Variants in KCNT2 observed in about 807,000 individuals in gnomAD.
The protein encoded by KCNT2 is potassium channel subfamily T member 2.
KCNT2 carries 67 observed loss-of-function variants against 153.8 expected under a neutral mutation model. The observed-to-expected ratio is 0.44, with a 90% confidence interval of 0.36 to 0.53. The LOEUF (loss-of-function observed/expected upper bound fraction) is 0.53, where lower values mean the gene tolerates loss of function less well. KCNT2 is among the 20% of genes least tolerant of loss of function. The pLI, the probability that KCNT2 is intolerant of heterozygous loss-of-function variation, is 0.00. For missense variants in KCNT2, 975 were observed against 1,354.8 expected (o/e 0.72, Z 4.40); for synonymous variants, 500 against 458.8 (o/e 1.09, Z -1.15).
chr1:196,306,242 C>T (rs149525421), intron 21 of KCNT2, among the ~76,000 whole-genome samples: 2,805 of 152,132 alleles, frequency 0.018, 41 homozygotes, highest in Middle Eastern at 0.034. Flanking sequence ...ACTTAAAATT[C>T]CCATCACTAG....
chr1:196,306,048 G>C (rs1661604503), intron 21 of KCNT2, among the ~76,000 whole-genome samples: 1 of 151,866 alleles, frequency 6.6e-6, no homozygotes, highest in Admixed American at 6.6e-5. Flanking sequence ...AGAGAAAAGG[G>C]GCAGGATGAT....
At chr1:196,232,166 T>C (rs973012813) in intron 27 of KCNT2, among the ~76,000 whole-genome samples, 2 of 151,820 alleles carry the variant, frequency 1.3e-5, no homozygotes, top group African/African-American at 4.8e-5. Flanking sequence ...TTGTCATCTA[T>C]GCACACTGCT....
intron 4 of KCNT2, 124 bp downstream of exon 4, chr1:196,482,207 T>G (rs1292864031): frequency 1.5e-6 from 1 of 649,940 alleles, no homozygotes; most frequent in East Asian, 3.2e-5. Flanking sequence ...GTCCAAGATG[T>G]GCATGAAGAT....
intron 14 of KCNT2, among the ~76,000 whole-genome samples, chr1:196,370,385 T>C (rs1668418260): frequency 6.6e-6 from 1 of 152,070 alleles, no homozygotes; most frequent in African/African-American, 2.4e-5. Context: ...CTAATTTATT[T>C]ATGACTGACA....
chr1:196,287,543 C>G (rs984177191), intron 22 of KCNT2, among the ~76,000 whole-genome samples: 1 of 152,082 alleles, frequency 6.6e-6, no homozygotes, highest in Non-Finnish European at 1.5e-5. Context: ...AGTTTTTTAA[C>G]CTACAGTGCT....
At chr1:196,311,727 C>T (rs1030543568) in intron 21 of KCNT2, among the ~76,000 whole-genome samples, 44 of 151,694 alleles carry the variant, frequency 2.9e-4, no homozygotes, top group African/African-American at 9.7e-4. Context: ...TGGTCATAGC[C>T]CTGAATCTGC....
At chr1:196,584,753 G>A (rs1311157709) in intron 1 of KCNT2, among the ~76,000 whole-genome samples, 1 of 151,940 alleles carries the variant, frequency 6.6e-6, no homozygotes. Flanking sequence ...AAGAACCTTG[G>A]GACTCAGGAG....
At chr1:196,348,578 A>G (rs538287007) in intron 14 of KCNT2, among the ~76,000 whole-genome samples, 6 of 152,294 alleles carry the variant, frequency 3.9e-5, no homozygotes, top group African/African-American at 1.4e-4. Flanking sequence ...AGCCAAGTTT[A>G]TGTCCACATT....
At chr1:196,579,965 C>T (rs1424240617) in intron 1 of KCNT2, among the ~76,000 whole-genome samples, 1 of 152,128 alleles carries the variant, frequency 6.6e-6, no homozygotes, top group Non-Finnish European at 1.5e-5. Context: ...GGAAAAATGG[C>T]TTCCACATTC....
intron 18 of KCNT2, 152 bp downstream of exon 18, chr1:196,331,004 T>C: frequency 1.8e-6 from 1 of 554,102 alleles, no homozygotes. Context: ...AATGTAAAAC[T>C]GACCACTTTA....
chr1:196,601,692 C>A (rs1664741345), intron 1 of KCNT2, among the ~76,000 whole-genome samples: 1 of 152,196 alleles, frequency 6.6e-6, no homozygotes, highest in Non-Finnish European at 1.5e-5. Flanking sequence ...TTATAGCCAT[C>A]TTACCAATTC....
chr1:196,410,017 T>G (rs1272738982), intron 12 of KCNT2, among the ~76,000 whole-genome samples: 1 of 151,680 alleles, frequency 6.6e-6, no homozygotes, highest in African/African-American at 2.4e-5. Flanking sequence ...CTCTGCTGTT[T>G]TCGATTTGCA....
intron 1 of KCNT2, among the ~76,000 whole-genome samples, chr1:196,552,223 C>T (rs1323386978): frequency 6.6e-6 from 1 of 151,440 alleles, no homozygotes; most frequent in African/African-American, 2.4e-5. Flanking sequence ...TAAAATAACA[C>T]TCTCCAATTC....
chr1:196,368,431 TATTTTTCTTTCTTC>T (rs1668225845), intron 14 of KCNT2, among the ~76,000 whole-genome samples: 1 of 152,182 alleles, frequency 6.6e-6, no homozygotes, highest in Non-Finnish European at 1.5e-5. Flanking sequence ...GGACTTCCAT[TATTTTTCTTTCTTC>T]GATTAATGAA....
intron 22 of KCNT2, among the ~76,000 whole-genome samples, chr1:196,297,799 T>G (rs1199021842): frequency 6.6e-6 from 1 of 152,160 alleles, no homozygotes. Context: ...AAATGTAGCT[T>G]AAGTTGTCTG....
At chr1:196,407,543 T>C (rs187086495) in intron 12 of KCNT2, among the ~76,000 whole-genome samples, 8 of 151,592 alleles carry the variant, frequency 5.3e-5, no homozygotes, top group Admixed American at 2.0e-4. Context: ...GAATCTAAGG[T>C]ACATTTCATT....
chr1:196,538,239 G>A (rs561229603), intron 1 of KCNT2, among the ~76,000 whole-genome samples: 2 of 152,084 alleles, frequency 1.3e-5, no homozygotes, highest in South Asian at 2.1e-4. Flanking sequence ...GGTTCCCACC[G>A]AAGGCCACCG....
At chr1:196,332,968 A>C (rs986541751) in intron 17 of KCNT2, among the ~76,000 whole-genome samples, 1 of 151,804 alleles carries the variant, frequency 6.6e-6, no homozygotes, top group Non-Finnish European at 1.5e-5. Flanking sequence ...TATTTTTAGT[A>C]AAGTTTGAGA....
At position 196,429,731 on chromosome 1, in the gene KCNT2, C is replaced by A; in HGVS notation, c.665G>T (p.Arg222Leu). Reference sequence around the variant, plus strand: ...AAAGAGATTCAGCTTCTTTCCTATTCGTTCCAGATGTTGGATCCCACAAAT... The same window carrying A: ...AAAGAGATTCAGCTTCTTTCCTATTAGTTCCAGATGTTGGATCCCACAAAT... ...TCICGIQHLE[R>L]IGKKLNLFDS... Residue 222 changes from arginine to leucine, a missense_variant, in exon 9 of 28, where the codon CGA becomes CTA. By Grantham distance (102) the Arg-to-Leu change is moderately radical. Around this residue, in one of 6 missense-constraint regions of KCNT2, gnomAD observed 202 missense variants for 314.9 expected, o/e 0.64. Coordinates refer to ENST00000294725, the MANE Select transcript of KCNT2 (RefSeq NM_198503.5). 1.2e-6 allele frequency: 2 copies of A among 1,606,738 alleles called. No homozygotes were observed. Among genetic ancestry groups the A allele is most frequent in the Non-Finnish European group, 8.5e-7 (1 of 1,177,284 alleles).
Sources: allele counts gnomAD v4.1 joint callset (sites outside exome capture counted in the v4.1 genomes callset), GRCh38; gene constraint gnomAD v4.1.1; regional missense constraint gnomAD v4.1.1; transcripts MANE v1.5; gene names NCBI Gene and HGNC (gene_info 2026-07-23, HGNC 2026-07-21).